The following DACH2 variants were observed in gnomAD, a reference collection of about 807,000 sequenced individuals.
The protein encoded by DACH2 is dachshund homolog 2.
In DACH2, 17 loss-of-function variants were observed where a neutral mutation model predicts 35.8. The observed-to-expected ratio is 0.48, with a 90% CI of 0.33 to 0.71. The LOEUF (loss-of-function observed/expected upper bound fraction) is 0.71. Among genes scored for constraint, DACH2 ranks in the 30% least tolerant of loss-of-function variants. The pLI is 0.02. For missense variants in DACH2, 469 were observed against 472.7 expected, an observed-to-expected ratio of 0.99 and a Z score of 0.07; for synonymous variants, 195 against 177.3, an observed-to-expected ratio of 1.10 and a Z score of -0.79.
At chrX:86,370,752 T>C (rs2035875450) in intron 1 of DACH2, among the ~76,000 whole-genome samples, 1 of 111,899 alleles carries the variant, frequency 8.9e-6, no homozygotes, top group African/African-American at 3.2e-5. Flanking sequence ...TCAAGCAAAT[T>C]AGCTAATAAT....
At chrX:86,692,032 T>G (rs2041015588) in intron 4 of DACH2, among the ~76,000 whole-genome samples, 1 of 111,426 alleles carries the variant, frequency 9.0e-6, no homozygotes, top group Non-Finnish European at 1.9e-5. Context: ...TGTTTACACT[T>G]AAAAATGATG....
chrX:86,323,407 AT>A (rs2035052847), intron 1 of DACH2, among the ~76,000 whole-genome samples: 1 of 111,601 alleles, frequency 9.0e-6, no homozygotes. Flanking sequence ...GGAACATGAA[AT>A]CCCCCTGTCT....
intron 3 of DACH2, among the ~76,000 whole-genome samples, chrX:86,535,113 TG>T (rs1204892806): frequency 8.9e-6 from 1 of 111,813 alleles, no homozygotes; most frequent in African/African-American, 3.2e-5. Flanking sequence ...TGAAAAGCAT[TG>T]TTTAATTTTA....
At chrX:86,398,763 T>A (rs183699541) in intron 2 of DACH2, among the ~76,000 whole-genome samples, 16 of 112,202 alleles carry the variant, frequency 1.4e-4, no homozygotes, top group South Asian at 7.4e-4. Context: ...GACAGTTTGT[T>A]ACAATTTCTG....
intron 4 of DACH2, among the ~76,000 whole-genome samples, chrX:86,664,262 T>C (rs972239029): frequency 1.2e-4 from 13 of 111,542 alleles, no homozygotes; most frequent in Non-Finnish European, 2.1e-4. Context: ...ATTTAATAAA[T>C]ATATTTTTGC....
chrX:86,329,187 A>G (rs924740991), intron 1 of DACH2, among the ~76,000 whole-genome samples: 4 of 111,252 alleles, frequency 3.6e-5, no homozygotes. Context: ...AAATACACTT[A>G]TAATTAGTGA....
intron 11 of DACH2, 51 bp from the exon 12 acceptor site, chrX:86,832,055 C>T (rs763480837): frequency 4.8e-5 from 41 of 854,671 alleles, no homozygotes; most frequent in East Asian, 6.5e-5. Context: ...TTTTTAAGCA[C>T]GTATCAGAAT....
rs1386310551 is a variant in DACH2, at chrX:86,322,841, G to A, written c.489-53983G>A. 4.5e-5 allele frequency among the ~76,000 whole-genome samples: 5 copies of A among 112,335 alleles called. No homozygotes were observed. The Admixed American group carries it at 4.7e-4, about 11-fold the overall frequency. ...CTATTTAGATGCCATTCTAGTTGTA[G>A]ACACAATAGGTGTCTTAGGAAAACA... On this transcript the variant is annotated intron_variant, in intron 1 of 11. Coordinates refer to ENST00000373125, the MANE Select transcript of DACH2 (RefSeq NM_053281.3).
At chrX:86,279,124 G>T (rs1276963576) in intron 1 of DACH2, among the ~76,000 whole-genome samples, 5 of 112,253 alleles carry the variant, frequency 4.5e-5, no homozygotes, top group Non-Finnish European at 9.4e-5. Flanking sequence ...AGCTTCAGCA[G>T]ACTTAAGCAT....
In DACH2 at chrX:86,816,433, CT is replaced by C. The variant is rs1202172808; in HGVS notation, c.1750+338del. Reference sequence around the variant, plus strand: ...ATGCATAAATGTGAATGTAATTTATCTTTTAAAAGTGTACAATACCATGAGG... The same window carrying C: ...ATGCATAAATGTGAATGTAATTTATCTTTAAAAGTGTACAATACCATGAGG... On this transcript the variant is annotated intron_variant, in intron 11 of 11. Transcript: ENST00000373125. 2.7e-5 allele frequency among the ~76,000 whole-genome samples: 3 copies of C among 111,676 alleles called. No individual in the cohort carries two copies. The Admixed American group carries it at 2.9e-4, about 11-fold the overall frequency.
intron 5 of DACH2, among the ~76,000 whole-genome samples, chrX:86,695,578 G>A (rs1345753959): frequency 4.7e-5 from 5 of 107,007 alleles, no homozygotes; most frequent in South Asian, 4.2e-4. Context: ...TGGCGTGATC[G>A]CGGCTCATTG....
chrX:86,821,285 T>C (rs1308883100), intron 11 of DACH2, among the ~76,000 whole-genome samples: 2 of 111,103 alleles, frequency 1.8e-5, no homozygotes, highest in African/African-American at 6.5e-5. Context: ...AAATTGGAGG[T>C]ATATAGCAAG....
At position 86,232,125 on chromosome X, in the gene DACH2, G is replaced by A. The variant is rs140475029; in HGVS notation, c.488+83017G>A. Among the ~76,000 whole-genome samples, 378 of 111,775 alleles carry A rather than the reference G, an allele frequency of 3.4e-3. 1 individual carries two copies. The highest frequency in any genetic ancestry group is 0.012 in the African/African-American group (366 of 30,723). Reference sequence around the variant, plus strand: ...AGCAACCCTGGGCATGTTGACTCTAGATGACCAGTAGAGAGCAGGCCAATT... The same window carrying A: ...AGCAACCCTGGGCATGTTGACTCTAAATGACCAGTAGAGAGCAGGCCAATT... On this transcript the variant is annotated intron_variant, in intron 1 of 11. Transcript: ENST00000373125.
At chrX:86,399,594 A>C (rs1361134732) in intron 2 of DACH2, among the ~76,000 whole-genome samples, 3 of 111,547 alleles carry the variant, frequency 2.7e-5, no homozygotes, top group Non-Finnish European at 5.6e-5. Context: ...AGAATCTCTC[A>C]GCATTTGCTT....
intron 5 of DACH2, among the ~76,000 whole-genome samples, chrX:86,695,604 G>C (rs930237710): frequency 9.2e-6 from 1 of 108,777 alleles, no homozygotes; most frequent in African/African-American, 3.4e-5. Context: ...TCCGCCTCCT[G>C]GTTCAAGCAA....
At chrX:86,333,095 C>A (rs1271766569) in intron 1 of DACH2, among the ~76,000 whole-genome samples, 1 of 111,552 alleles carries the variant, frequency 9.0e-6, no homozygotes, top group Non-Finnish European at 1.9e-5. Context: ...TATTCAAAAT[C>A]TAGGGATAAA....
chrX:86,466,881 T>G (rs760131284), intron 2 of DACH2, among the ~76,000 whole-genome samples: 1 of 110,797 alleles, frequency 9.0e-6, no homozygotes, highest in African/African-American at 3.3e-5. Context: ...GTGGCTGGAA[T>G]GGAGGGCACC....
chrX:86,626,519 G>C (rs1376227225), intron 3 of DACH2, among the ~76,000 whole-genome samples: 1 of 112,689 alleles, frequency 8.9e-6, no homozygotes, highest in Admixed American at 9.3e-5. Context: ...ACTCTGTGTG[G>C]GGGATCCCAC....
intron 3 of DACH2, among the ~76,000 whole-genome samples, chrX:86,636,489 A>G (rs143078111): frequency 9.0e-6 from 1 of 111,083 alleles, no homozygotes; most frequent in East Asian, 2.8e-4. Flanking sequence ...CAAAACCAGC[A>G]TGCTTCTGGT....
Sources: allele counts gnomAD v4.1 joint callset (sites outside exome capture counted in the v4.1 genomes callset), GRCh38; gene constraint gnomAD v4.1.1; transcripts MANE v1.5; gene names NCBI Gene and HGNC (gene_info 2026-07-23, HGNC 2026-07-21).